Variants in PTX3 observed in about 807,000 individuals in gnomAD.
PTX3 encodes pentraxin 3.
In PTX3, 24 loss-of-function variants were observed where a neutral mutation model predicts 23.5. The ratio of observed to expected loss-of-function variants is 1.02; its 90% CI spans 0.74 to 1.43. PTX3 has a LOEUF of 1.43. PTX3 is among the 40% of genes most tolerant of loss of function. The probability of loss-of-function intolerance (pLI) is 0.00; values close to 1 mark genes in which losing one functional copy is unlikely to be tolerated. For synonymous variants in PTX3, 218 were observed against 205.4 expected (o/e 1.06, Z -0.53); for missense variants, 510 against 497.5 (o/e 1.02, Z -0.24).
At chr3:157,437,138 C>T (rs1477173007) in intron 1 of PTX3, 75 bp downstream of exon 1, 1 of 1,543,116 alleles carries the variant, frequency 6.5e-7, no homozygotes, top group African/African-American at 1.4e-5. Context: ...CACACATATA[C>T]TTTGTGGCCA....
intron 2 of PTX3, among the ~76,000 whole-genome samples, chr3:157,441,395 T>G (rs537853055): frequency 6.6e-6 from 1 of 152,384 alleles, no homozygotes; most frequent in East Asian, 1.9e-4. Context: ...GAACAGTATC[T>G]GATACATAGT....
intron 1 of PTX3, 23 bp downstream of exon 1, chr3:157,437,086 TCTG>T (rs1235120925): frequency 1.2e-6 from 2 of 1,611,686 alleles, no homozygotes; most frequent in Non-Finnish European, 1.7e-6. Context: ...TAACTGTTTC[TCTG>T]CTAACCCTGA....
intron 2 of PTX3, among the ~76,000 whole-genome samples, 159 bp downstream of exon 2, chr3:157,438,073 C>CACACA (rs1560062154): frequency 2.2e-5 from 3 of 136,750 alleles, no homozygotes; most frequent in Admixed American, 7.0e-5. Context: ...ACACACACAC[C>CACACA]CCTATTTCTG....
chr3:157,437,963 G>A (rs1329141159), intron 2 of PTX3, 49 bp downstream of exon 2: 1 of 1,512,470 alleles, frequency 6.6e-7, no homozygotes, highest in African/African-American at 1.4e-5. Flanking sequence ...TTTGTTCCGG[G>A]AGCGCGCGTA....
intron 1 of PTX3, 51 bp downstream of exon 1, chr3:157,437,114 C>T: frequency 6.3e-7 from 1 of 1,596,956 alleles, no homozygotes. Flanking sequence ...ATATCCACCT[C>T]TTGGTCTAAA....
Position 157,442,622 on chromosome 3 carries a change from C to T in PTX3, c.789C>T (p.Ser263=), listed in dbSNP as rs1560065929. The part of the protein sequence containing the change: ...ENKLVAEAMV[S]LGRWTHLCGT... ...AACTGGTTGCTGAAGCCATGGTTTC[C>T]CTGGGAAGGTGGACCCACCTGTGCG... Residue 263 remains serine (S), a synonymous_variant, in exon 3 of 3, where the codon TCC becomes TCT. Coordinates refer to ENST00000295927, the MANE Select transcript of PTX3 (RefSeq NM_002852.4). 1 of 1,614,124 alleles carries T rather than the reference C, an allele frequency of 6.2e-7. No homozygotes were observed. Among genetic ancestry groups the T allele is most frequent in the African/African-American group, 1.3e-5 (1 of 75,010 alleles).
chr3:157,439,844 G>C (rs573171982), intron 2 of PTX3, among the ~76,000 whole-genome samples: 29 of 152,202 alleles, frequency 1.9e-4, no homozygotes, highest in Non-Finnish European at 4.0e-4. Flanking sequence ...TCCGCCTCCC[G>C]GGTTCACTCC....
intron 2 of PTX3, among the ~76,000 whole-genome samples, chr3:157,439,231 A>G (rs1045868434): frequency 5.9e-5 from 9 of 152,230 alleles, no homozygotes; most frequent in Middle Eastern, 3.2e-3. Context: ...CATATAATGC[A>G]CCTGAAAAAC....
Position 157,443,425 on chromosome 3 carries a change from A to G in PTX3, c.*446A>G, listed in dbSNP as rs1252846157. ...ACAAAAAAAAGATGAAAACATATTT[A>G]TACTACAAGGTGACTTAACAACTAT... is the stretch of plus-strand genomic sequence containing the variant. On this transcript the variant is annotated 3_prime_UTR_variant, in exon 3 of 3. Transcript: ENST00000295927. The G allele has an allele frequency of 6.3e-6, 1 of 157,998 alleles. No homozygotes were observed. Among genetic ancestry groups the G allele is most frequent in the African/African-American group, 2.4e-5 (1 of 41,522 alleles). 9.8% of individuals were successfully genotyped at this position (157,998 alleles called of 1,614,324 possible).
intron 2 of PTX3, among the ~76,000 whole-genome samples, chr3:157,441,335 A>G (rs1734099498): frequency 6.6e-6 from 1 of 152,388 alleles, no homozygotes; most frequent in Admixed American, 6.5e-5. Flanking sequence ...AATGTAAAAG[A>G]CTATCTCTTA....
intron 2 of PTX3, among the ~76,000 whole-genome samples, chr3:157,442,018 T>G (rs538224983): frequency 6.6e-6 from 1 of 152,160 alleles, no homozygotes; most frequent in African/African-American, 2.4e-5. Context: ...AGTTAACTGA[T>G]AGTGATTCAA....
Position 157,438,024 on chromosome 3 carries a change from C to CGA in PTX3, c.532+111_532+112insAG. On this transcript the variant is annotated intron_variant, in intron 2 of 2. Coordinates refer to ENST00000295927, the MANE Select transcript of PTX3 (RefSeq NM_002852.4). The stretch of plus-strand genomic sequence containing the variant: ...CTAGGGGAAGCTTTCATGGGAAGCG[C>CGA]GCGCGCGCGCGCGCACACACACACA... The CGA allele has an allele frequency of 6.4e-6, 5 of 778,056 alleles. No individual in the cohort carries two copies. In the South Asian group the frequency reaches 8.8e-5, roughly 14 times the overall value. 48.2% of individuals were successfully genotyped at this position (778,056 alleles called of 1,614,324 possible).
In PTX3 at chr3:157,437,526, C is replaced by T. The variant is rs746941979; in HGVS notation, c.144C>T (p.Ala48=). ...CCCGTACTCTAGCCACGCCGTGCGC[C>T]TGCGGTCAGGAGCACTCGGAATGGG... ...LHPTEDPTPC[A]CGQEHSEWDK... is the part of the protein sequence containing the mutation. Residue 48 remains alanine (A), a synonymous_variant, in exon 2 of 3, where the codon GCC becomes GCT. Transcript: ENST00000295927. 5 of 1,606,064 alleles carry T rather than the reference C, an allele frequency of 3.1e-6. No homozygotes were observed. Among genetic ancestry groups the T allele is most frequent in the Middle Eastern group, 1.9e-4 (1 of 5,212 alleles).
At chr3:157,437,199 T>C in intron 1 of PTX3, 136 bp downstream of exon 1, 1 of 1,201,406 alleles carries the variant, frequency 8.3e-7, no homozygotes, top group South Asian at 1.3e-5. Context: ...GAGAAGCACT[T>C]GAAGAAAGAT....
intron 1 of PTX3, 102 bp downstream of exon 1, chr3:157,437,165 A>G: frequency 6.9e-7 from 1 of 1,456,534 alleles, no homozygotes; most frequent in Non-Finnish European, 9.5e-7. Flanking sequence ...CAAGTTAAAA[A>G]TTTATAGCTT....
chr3:157,437,167 T>G, intron 1 of PTX3, 104 bp downstream of exon 1: 2 of 1,423,292 alleles, frequency 1.4e-6, no homozygotes, highest in Non-Finnish European at 1.9e-6. Flanking sequence ...AGTTAAAAAT[T>G]TATAGCTTGT....
chr3:157,437,657 T>C lies in PTX3; in HGVS notation c.275T>C (p.Leu92Pro). The stretch of plus-strand genomic sequence containing the variant: ...GAGCTGCAGAGGCTGCGGGAGGAGC[T>C]GGGCCGGCTCGCGGAAAGCCTGGCG... Reference protein sequence around the residue: ...RGELQRLREELGRLAESLARP... With the variant: ...RGELQRLREEPGRLAESLARP... The change falls in exon 2 of 3, where the codon CTG (leucine) becomes CCG (proline). Residue 92 changes from leucine to proline, a missense_variant. Physicochemically the swap from Leu to Pro is moderately conservative, Grantham distance 98 (BLOSUM62 -3). Transcript: ENST00000295927. The C allele has an allele frequency of 6.5e-7, 1 of 1,543,554 alleles. No homozygotes were observed. Among genetic ancestry groups the C allele is most frequent in the Non-Finnish European group, 8.7e-7 (1 of 1,147,188 alleles).
intron 2 of PTX3, among the ~76,000 whole-genome samples, chr3:157,442,037 A>C (rs1242650676): frequency 6.6e-6 from 1 of 152,126 alleles, no homozygotes; most frequent in Non-Finnish European, 1.5e-5. Context: ...AACTTTTTTA[A>C]AAAAAAGCAG....
Position 157,437,503 on chromosome 3 carries a change from C to G in PTX3, c.131-10C>G, listed in dbSNP as rs1324225965. 6.3e-7 allele frequency: 1 copy of G among 1,599,560 alleles called. No individual in the cohort carries two copies. Among genetic ancestry groups the G allele is most frequent in the East Asian group, 2.3e-5 (1 of 43,914 alleles). On this transcript the variant is annotated splice_polypyrimidine_tract_variant and intron_variant, in intron 1 of 2. Transcript: ENST00000295927. Reference sequence around the variant, plus strand: ...GCGGGCTGCTAACGTGTGTGTATCCCGTACTCTAGCCACGCCGTGCGCCTG... The same window carrying G: ...GCGGGCTGCTAACGTGTGTGTATCCGGTACTCTAGCCACGCCGTGCGCCTG...
Sources: allele counts gnomAD v4.1 joint callset (sites outside exome capture counted in the v4.1 genomes callset), GRCh38; gene constraint gnomAD v4.1.1; transcripts MANE v1.5; gene names NCBI Gene and HGNC (gene_info 2026-07-23, HGNC 2026-07-21).